AGFG1: variants seen among roughly 807,000 people sequenced by gnomAD.
AGFG1 encodes ArfGAP with FG repeats 1.
In AGFG1, 10 loss-of-function variants were observed where a neutral mutation model predicts 60.6. That is an observed-to-expected ratio of 0.16 (90% CI 0.10 to 0.28). AGFG1 has a LOEUF of 0.28. Ranked by LOEUF, AGFG1 falls within the 10% of genes least tolerant of loss-of-function variation. The pLI, the probability that AGFG1 is intolerant of heterozygous loss-of-function variation, is 1.00. For missense variants in AGFG1, 537 were observed against 676.5 expected (o/e 0.79, Z 2.29); for synonymous variants, 247 against 242.9 (o/e 1.02, Z -0.16).
rs1038945245 is a variant in AGFG1, at chr2:227,558,916, C to T, written c.*4421C>T. On this transcript the variant is annotated 3_prime_UTR_variant, in exon 13 of 13. Coordinates refer to ENST00000310078, the MANE Select transcript of AGFG1 (RefSeq NM_004504.5). ...CAGCACAGCAAAGGACATACAATTC[C>T]ACAACTCATTAATTAAATGTATTGG... 4.6e-5 allele frequency: 7 copies of T among 152,220 alleles called. 1 individual carries two copies. Among genetic ancestry groups the T allele is most frequent in the African/African-American group, 1.7e-4 (7 of 41,460 alleles). The allele number at this position is 152,220 out of a possible 1,614,324, so 9.4% of individuals were successfully genotyped here.
rs777456181 is a variant in AGFG1 at position 227,535,007 on chromosome 2, C to T, written c.1187C>T (p.Ser396Phe). 5 of 1,612,160 alleles carry T rather than the reference C, an allele frequency of 3.1e-6. No homozygotes were observed. The South Asian group carries it at 5.5e-5, about 18-fold the overall frequency. Residue 396 changes from serine to phenylalanine, a missense_variant, in exon 8 of 13, where the codon TCC becomes TTC. By Grantham distance (155) the Ser-to-Phe change is radical (BLOSUM62 -2). Transcript: ENST00000310078. ...GCCACCTCCAGTAATGCGTATACTT[C>T]CACAAGTAATGCTAGCAGGTACCTT... The part of the protein sequence containing the change: ...SAATSSNAYT[S>F]TSNASSNVFG...
At chr2:227,483,790 G>GT (rs1423169272) in intron 1 of AGFG1, among the ~76,000 whole-genome samples, 1 of 152,152 alleles carries the variant, frequency 6.6e-6, no homozygotes, top group Admixed American at 6.5e-5. Context: ...TTGGGTGAAC[G>GT]TAAGTTTTCA....
rs1323125693 is a variant in AGFG1, at chr2:227,472,384, T to TC, written c.-35dup. On this transcript the variant is annotated 5_prime_UTR_variant, in exon 1 of 13. Coordinates refer to ENST00000310078, the MANE Select transcript of AGFG1 (RefSeq NM_004504.5). ...GGCCCCCGGCGCAGCGCTGCCCGGCTCCCGGCCCTGCCGGCCTCCTCCCTT... is the reference window on the plus strand; with the variant it reads ...GGCCCCCGGCGCAGCGCTGCCCGGCTCCCCGGCCCTGCCGGCCTCCTCCCTT... The TC allele has an allele frequency of 8.3e-6, 11 of 1,322,758 alleles. No homozygotes were observed. The South Asian group carries it at 1.7e-4, about 20-fold the overall frequency. 81.9% of individuals were successfully genotyped at this position (1,322,758 alleles called of 1,614,324 possible). A position where few individuals can be genotyped will look rare whatever the true frequency, so the allele number is the denominator to read the frequency against.
Position 227,497,727 on chromosome 2 carries a change from CTTGTT to C in AGFG1, c.261+6095_261+6099del, listed in dbSNP as rs1559173437. Among the ~76,000 whole-genome samples the C allele has an allele frequency of 4.2e-3, 57 of 13,642 alleles. 9 individuals carry two copies. The highest frequency in any genetic ancestry group is 6.7e-3 in the South Asian group (2 of 298). The allele number at this position is 13,642 out of a possible 152,430, so 8.9% of individuals were successfully genotyped here. A position where few individuals can be genotyped will look rare whatever the true frequency, so the allele number is the denominator to read the frequency against. Reference sequence around the variant, plus strand: ...CATATATAGCCAAATGAGTTTCTTTCTTGTTTTGTTTTTTTTTTTTTTTTTTTTTT... The same window carrying C: ...CATATATAGCCAAATGAGTTTCTTTCTTGTTTTTTTTTTTTTTTTTTTTTT... On this transcript the variant is annotated intron_variant, in intron 2 of 12. Transcript: ENST00000310078.
intron 2 of AGFG1, 41 bp downstream of exon 2, chr2:227,491,681 T>G (rs778199980): frequency 7.9e-6 from 10 of 1,260,884 alleles, no homozygotes; most frequent in African/African-American, 4.6e-5. Flanking sequence ...TTGACTTTTT[T>G]GTTGGCAGTC....
At chr2:227,488,595 G>A (rs143342559) in intron 1 of AGFG1, among the ~76,000 whole-genome samples, 177 of 152,352 alleles carry the variant, frequency 1.2e-3, no homozygotes, top group Non-Finnish European at 1.8e-3. Context: ...AAGTTGCAAA[G>A]TGAGAAGGAA....
At chr2:227,546,389 T>TC (rs1692647844) in intron 10 of AGFG1, among the ~76,000 whole-genome samples, 1 of 152,234 alleles carries the variant, frequency 6.6e-6, no homozygotes. Context: ...GTACCGTCTG[T>TC]CACAGCTTCT....
intron 5 of AGFG1, among the ~76,000 whole-genome samples, chr2:227,525,511 G>A (rs1325200449): frequency 6.6e-6 from 1 of 152,142 alleles, no homozygotes; most frequent in Non-Finnish European, 1.5e-5. Context: ...CAGTTTGTTT[G>A]AATCAGATTT....
intron 2 of AGFG1, among the ~76,000 whole-genome samples, chr2:227,499,162 A>G (rs1374800285): frequency 1.3e-5 from 2 of 152,166 alleles, no homozygotes; most frequent in African/African-American, 4.8e-5. Flanking sequence ...CAACAGTGCT[A>G]TTTTTGTCCC....
chr2:227,518,610 C>G (rs954717021), intron 2 of AGFG1, among the ~76,000 whole-genome samples: 4 of 150,794 alleles, frequency 2.7e-5, no homozygotes, highest in African/African-American at 9.8e-5. Context: ...TGCAACCTCC[C>G]CTTCCTGGGT....
intron 10 of AGFG1, among the ~76,000 whole-genome samples, chr2:227,542,150 AT>A (rs1442737136): frequency 6.6e-6 from 1 of 152,012 alleles, no homozygotes; most frequent in Admixed American, 6.6e-5. Context: ...AATACCCGTT[AT>A]TTTTTTCTCT....
At chr2:227,534,184 G>A (rs1053064330) in intron 7 of AGFG1, among the ~76,000 whole-genome samples, 3 of 151,968 alleles carry the variant, frequency 2.0e-5, no homozygotes, top group African/African-American at 7.3e-5. Context: ...TTACAGTATA[G>A]TCTTGTATCC....
intron 3 of AGFG1, among the ~76,000 whole-genome samples, chr2:227,520,524 T>C (rs1423741304): frequency 6.6e-6 from 1 of 152,214 alleles, no homozygotes; most frequent in African/African-American, 2.4e-5. Context: ...GCTCAAAATA[T>C]TTTTTCTTTT....
At chr2:227,549,090 A>T (rs1692741650) in intron 10 of AGFG1, among the ~76,000 whole-genome samples, 1 of 152,242 alleles carries the variant, frequency 6.6e-6, no homozygotes, top group African/African-American at 2.4e-5. Context: ...ATTTATTGCA[A>T]AGCACTCTAA....
At chr2:227,524,011 A>G (rs1691903476) in intron 4 of AGFG1, 86 bp downstream of exon 4, 2 of 1,251,254 alleles carry the variant, frequency 1.6e-6, no homozygotes, top group Non-Finnish European at 2.2e-6. Context: ...AGACAGCAGC[A>G]TAATCTTGTA....
At chr2:227,543,652 C>T (rs1020358518) in intron 10 of AGFG1, among the ~76,000 whole-genome samples, 3 of 152,138 alleles carry the variant, frequency 2.0e-5, no homozygotes, top group African/African-American at 7.2e-5. Flanking sequence ...ATGAAGAGTT[C>T]TGTAGATGTC....
intron 1 of AGFG1, among the ~76,000 whole-genome samples, chr2:227,487,035 T>C (rs1276910180): frequency 6.6e-6 from 1 of 152,184 alleles, no homozygotes; most frequent in Admixed American, 6.5e-5. Flanking sequence ...AGATAAGGTG[T>C]TGATGCTGGT....
chr2:227,514,856 C>T (rs1687724552), intron 2 of AGFG1, among the ~76,000 whole-genome samples: 1 of 152,142 alleles, frequency 6.6e-6, no homozygotes, highest in Non-Finnish European at 1.5e-5. Context: ...CTTTTAATGT[C>T]AATAGATTTT....
At chr2:227,511,207 G>T (rs1691489487) in intron 2 of AGFG1, among the ~76,000 whole-genome samples, 1 of 152,134 alleles carries the variant, frequency 6.6e-6, no homozygotes, top group African/African-American at 2.4e-5. Flanking sequence ...TTTTGTTTGT[G>T]CAGGCATCAT....
Sources: allele counts gnomAD v4.1 joint callset (sites outside exome capture counted in the v4.1 genomes callset), GRCh38; gene constraint gnomAD v4.1.1; transcripts MANE v1.5; gene names NCBI Gene and HGNC (gene_info 2026-07-23, HGNC 2026-07-21).